STXBP5: variants seen among roughly 807,000 people sequenced by gnomAD.
STXBP5 encodes the protein syntaxin-binding protein 5.
In STXBP5, 50 loss-of-function variants were observed where a neutral mutation model predicts 152.4. That is an observed-to-expected ratio of 0.33 (90% CI 0.26 to 0.42). The LOEUF is 0.42. Ranked by LOEUF, STXBP5 falls within the 10% of genes least tolerant of loss-of-function variation. The pLI, the probability that STXBP5 is intolerant of heterozygous loss-of-function variation, is 1.00. For missense variants in STXBP5, 1,167 were observed against 1,388.6 expected (o/e 0.84, Z 2.54); for synonymous variants, 492 against 494.7 (o/e 0.99, Z 0.07).
chr6:147,341,678 T>C (rs955225668), intron 21 of STXBP5, among the ~76,000 whole-genome samples: 2 of 152,006 alleles, frequency 1.3e-5, no homozygotes, highest in African/African-American at 4.8e-5. Flanking sequence ...TGTGTGGGTG[T>C]GTGTGGGTGT....
intron 26 of STXBP5, among the ~76,000 whole-genome samples, chr6:147,380,689 G>A (rs997852130): frequency 2.0e-5 from 3 of 152,002 alleles, no homozygotes; most frequent in African/African-American, 7.2e-5. Context: ...TTAAAACATT[G>A]TGCTTCAAAG....
chr6:147,357,065 G>A lies in STXBP5; in HGVS notation c.2306-2019G>A, dbSNP rs189342463. Reference sequence around the variant, plus strand: ...AGGATATCAAAACGACACAGTCCTTGCTTTCAAGATACTTGCAGTCACTTT... The same window carrying A: ...AGGATATCAAAACGACACAGTCCTTACTTTCAAGATACTTGCAGTCACTTT... On this transcript the variant is annotated intron_variant, in intron 22 of 27. Transcript: ENST00000321680. Among the ~76,000 whole-genome samples, 245 of 152,256 alleles carry A rather than the reference G, an allele frequency of 1.6e-3. 2 individuals are homozygous for A. Among genetic ancestry groups the A allele is most frequent in the Non-Finnish European group, 2.7e-3 (182 of 68,018 alleles).
intron 7 of STXBP5, among the ~76,000 whole-genome samples, chr6:147,273,413 A>T (rs1780279739): frequency 6.6e-6 from 1 of 152,144 alleles, no homozygotes; most frequent in African/African-American, 2.4e-5. Context: ...GTGGCAGGAA[A>T]GAAGTGCAGT....
chr6:147,251,583 G>A (rs1779099266), intron 4 of STXBP5, among the ~76,000 whole-genome samples: 1 of 152,190 alleles, frequency 6.6e-6, no homozygotes. Flanking sequence ...AAAGGCTGCA[G>A]CCCCAGTCAG....
chr6:147,287,526 A>G (rs1781043618), intron 8 of STXBP5, among the ~76,000 whole-genome samples: 2 of 152,208 alleles, frequency 1.3e-5, no homozygotes, highest in Non-Finnish European at 2.9e-5. Context: ...TAACTTTTAA[A>G]GAGTGGAACT....
chr6:147,275,792 C>T (rs1007578494), intron 7 of STXBP5, among the ~76,000 whole-genome samples: 2 of 151,908 alleles, frequency 1.3e-5, no homozygotes, highest in South Asian at 2.1e-4. Context: ...CTCCTGACCT[C>T]ATGATCCACC....
At position 147,390,274 on chromosome 6, in the gene STXBP5, T is replaced by A. The variant is rs1160422185; in HGVS notation, c.*5519T>A. 1 of 152,094 alleles carries A rather than the reference T, an allele frequency of 6.6e-6. No homozygotes were observed. Among genetic ancestry groups the A allele is most frequent in the South Asian group, 2.1e-4 (1 of 4,834 alleles). The allele number at this position is 152,094 out of a possible 1,614,324, so 9.4% of individuals were successfully genotyped here. ...TTTTGCATTCCTGTACTTTACAAACTGTCATCACAGCAAAAAGTTTAAAAT... is the reference window on the plus strand; with the variant it reads ...TTTTGCATTCCTGTACTTTACAAACAGTCATCACAGCAAAAAGTTTAAAAT... On this transcript the variant is annotated 3_prime_UTR_variant, in exon 28 of 28. Transcript: ENST00000321680.
intron 4 of STXBP5, among the ~76,000 whole-genome samples, chr6:147,256,296 G>C (rs1779359545): frequency 6.6e-6 from 1 of 152,114 alleles, no homozygotes; most frequent in Non-Finnish European, 1.5e-5. Context: ...CCTCACTTCT[G>C]CCTACACATT....
intron 16 of STXBP5, among the ~76,000 whole-genome samples, chr6:147,322,389 C>A (rs562584959): frequency 8.5e-5 from 13 of 152,178 alleles, no homozygotes; most frequent in Non-Finnish European, 1.5e-4. Flanking sequence ...CTTGACCAGC[C>A]AGAAGTGAAC....
chr6:147,297,377 A>G lies in STXBP5; in HGVS notation c.917+6205A>G, dbSNP rs62435629. Among the ~76,000 whole-genome samples the G allele has an allele frequency of 9.4e-3, 1,437 of 152,300 alleles. 18 individuals are homozygous for G. Among genetic ancestry groups the G allele is most frequent in the Non-Finnish European group, 0.017 (1,132 of 68,014 alleles). ...AAGCTATCCTTCAGAAATGAACGTG[A>G]AATAAACTCTTTCCCAGACAAGGAA... On this transcript the variant is annotated intron_variant, in intron 9 of 27. Coordinates refer to ENST00000321680, the MANE Select transcript of STXBP5 (RefSeq NM_001127715.4).
chr6:147,322,588 C>T (rs73586333), intron 16 of STXBP5, among the ~76,000 whole-genome samples: 8,392 of 152,214 alleles, frequency 0.055, 563 homozygotes, highest in East Asian at 0.27. Flanking sequence ...AATTCAACAT[C>T]GAGTAGTCTT....
chr6:147,222,018 T>C (rs181103726), intron 2 of STXBP5, among the ~76,000 whole-genome samples: 3 of 152,266 alleles, frequency 2.0e-5, no homozygotes, highest in African/African-American at 7.2e-5. Context: ...AGAGACTATT[T>C]CCTTAGCTGT....
At chr6:147,330,239 G>T (rs1275645676) in intron 18 of STXBP5, among the ~76,000 whole-genome samples, 4 of 151,910 alleles carry the variant, frequency 2.6e-5, no homozygotes, top group Non-Finnish European at 5.9e-5. Flanking sequence ...ATATTGTTTT[G>T]CTGGTCATTT....
intron 1 of STXBP5, 133 bp from the exon 2 acceptor site, chr6:147,205,838 A>G (rs1303493200): frequency 7.2e-6 from 4 of 555,660 alleles, no homozygotes; most frequent in Non-Finnish European, 1.3e-5. Flanking sequence ...TTATTTTTTC[A>G]AAAGCAGTAA....
chr6:147,382,977 A>G lies in STXBP5; in HGVS notation c.3393A>G (p.Ser1131=), dbSNP rs34677388. The G allele has an allele frequency of 0.021, 33,755 of 1,613,386 alleles. 443 individuals are homozygous for G. Among genetic ancestry groups the G allele is most frequent in the Non-Finnish European group, 0.024 (28,581 of 1,179,604 alleles). ...CGGCCATGTTATCAAGTGCAGAGTC[A>G]TTTTCTAAACATGCTCATGAGGTAC... is the stretch of plus-strand genomic sequence containing the variant. The part of the protein sequence containing the change: ...RTAAMLSSAE[S]FSKHAHEIML... Residue 1131 remains serine, a synonymous_variant, in exon 27 of 28, where the codon TCA becomes TCG. Transcript: ENST00000321680.
At chr6:147,270,733 T>C (rs565759498) in intron 7 of STXBP5, among the ~76,000 whole-genome samples, 6 of 152,242 alleles carry the variant, frequency 3.9e-5, no homozygotes, top group East Asian at 1.9e-4. Flanking sequence ...ATAAAAACTT[T>C]CTTATTTTCT....
At chr6:147,225,606 T>C (rs558893133) in intron 2 of STXBP5, among the ~76,000 whole-genome samples, 2 of 152,338 alleles carry the variant, frequency 1.3e-5, no homozygotes, top group South Asian at 4.1e-4. Flanking sequence ...GTCTCATTCT[T>C]CATATAAAAG....
chr6:147,244,842 A>AT (rs1209167121), intron 4 of STXBP5, among the ~76,000 whole-genome samples: 1 of 151,912 alleles, frequency 6.6e-6, no homozygotes, highest in East Asian at 1.9e-4. Context: ...GGTTGTTTGA[A>AT]TTTTTACTCC....
Position 147,384,860 on chromosome 6 carries a change from T to C in STXBP5, c.*105T>C, listed in dbSNP as rs1786267125. On this transcript the variant is annotated 3_prime_UTR_variant, in exon 28 of 28. Coordinates refer to ENST00000321680, the MANE Select transcript of STXBP5 (RefSeq NM_001127715.4). Reference sequence around the variant, plus strand: ...CGTTAAAGGGATGTTCGTCACTGAATACTGTTCTTTCCTAGCACAGTCATG... The same window carrying C: ...CGTTAAAGGGATGTTCGTCACTGAACACTGTTCTTTCCTAGCACAGTCATG... The C allele has an allele frequency of 8.6e-7, 1 of 1,161,088 alleles. No homozygotes were observed. The highest frequency in any genetic ancestry group is 1.6e-5 in the African/African-American group (1 of 64,430). 71.9% of individuals were successfully genotyped at this position (1,161,088 alleles called of 1,614,324 possible).
Sources: allele counts gnomAD v4.1 joint callset (sites outside exome capture counted in the v4.1 genomes callset), GRCh38; gene constraint gnomAD v4.1.1; transcripts MANE v1.5; gene names NCBI Gene and HGNC (gene_info 2026-07-23, HGNC 2026-07-21).